AKNA: variants seen among roughly 807,000 people sequenced by gnomAD.
AKNA encodes microtubule organization protein AKNA.
A neutral mutation model predicts 138.8 loss-of-function variants in AKNA; 67 were observed. That is an observed-to-expected ratio of 0.48 (90% confidence interval 0.40 to 0.59). The LOEUF is 0.59. Ranked by LOEUF, AKNA falls within the 20% of genes least tolerant of loss-of-function variation. AKNA has a pLI of 0.00. For missense variants in AKNA, 1,813 were observed against 1,880.4 expected (o/e 0.96, Z 0.66); for synonymous variants, 737 against 754.4 (o/e 0.98, Z 0.38).
intron 12 of AKNA, 48 bp from the exon 13 acceptor site, chr9:114,357,017 C>A: frequency 6.6e-7 from 1 of 1,518,562 alleles, no homozygotes; most frequent in East Asian, 2.6e-5. Context: ...GTCCAAGGCA[C>A]ACTGGGAAGC....
intron 2 of AKNA, 37 bp downstream of exon 2, chr9:114,381,023 C>T: frequency 7.1e-7 from 1 of 1,399,272 alleles, no homozygotes; most frequent in Non-Finnish European, 9.2e-7. Context: ...GTTTTGGGGA[C>T]AGGACACCAC....
intron 4 of AKNA, among the ~76,000 whole-genome samples, chr9:114,373,134 C>T (rs576363194): frequency 3.3e-5 from 5 of 152,354 alleles, no homozygotes; most frequent in Non-Finnish European, 7.3e-5. Context: ...TGCATCTCTG[C>T]ACCTCAGCTC....
In AKNA at chr9:114,359,582, T is replaced by C; in HGVS notation, c.2492+12A>G. ...GAAACAAACATTCTGCAGGAAAGGCTCAGTGACTTACTCCAGGGGAGCCCC... is the reference window on the plus strand; with the variant it reads ...GAAACAAACATTCTGCAGGAAAGGCCCAGTGACTTACTCCAGGGGAGCCCC... On this transcript the variant is annotated intron_variant, in intron 11 of 21. Transcript: ENST00000374088. 7 of 1,610,832 alleles carry C rather than the reference T, an allele frequency of 4.3e-6. No homozygotes were observed. The highest frequency in any genetic ancestry group is 5.9e-6 in the Non-Finnish European group (7 of 1,180,008).
chr9:114,356,734 A>C, intron 13 of AKNA, 129 bp downstream of exon 13: 1 of 786,046 alleles, frequency 1.3e-6, no homozygotes, highest in Non-Finnish European at 2.0e-6. Flanking sequence ...AATCACGGTT[A>C]GGGGATGAAA....
chr9:114,367,752 A>G, intron 5 of AKNA, 55 bp from the exon 6 acceptor site: 1 of 1,500,700 alleles, frequency 6.7e-7, no homozygotes, highest in Non-Finnish European at 8.9e-7. Context: ...CCAGGAGCTG[A>G]AGGACTGAGG....
In AKNA at chr9:114,359,609, T is replaced by C. The variant is rs1302521016; in HGVS notation, c.2477A>G (p.His826Arg). 2.5e-6 allele frequency: 4 copies of C among 1,614,184 alleles called. No individual in the cohort carries two copies. The South Asian group carries it at 3.3e-5, about 13-fold the overall frequency. Residue 826 changes from histidine (H) to arginine (R), a missense_variant, in exon 11 of 22, where the codon CAT becomes CGT. Physicochemically the swap from His to Arg is conservative, Grantham distance 29. Coordinates refer to ENST00000374088, the MANE Select transcript of AKNA (RefSeq NM_001317950.2). ...RQCPVQAEKS[H>R]GAPLEEATEK... ...AGTGACTTACTCCAGGGGAGCCCCATGACTTTTCTCAGCCTGCACCGGGCA... is the reference window on the plus strand; with the variant it reads ...AGTGACTTACTCCAGGGGAGCCCCACGACTTTTCTCAGCCTGCACCGGGCA...
chr9:114,369,798 C>A (rs1296801432), intron 4 of AKNA, among the ~76,000 whole-genome samples: 1 of 152,124 alleles, frequency 6.6e-6, no homozygotes, highest in East Asian at 1.9e-4. Context: ...ACCATCATTA[C>A]CATCACCATC....
At chr9:114,358,420 A>G (rs1831665510) in intron 11 of AKNA, 3 of 492,916 alleles carry the variant, frequency 6.1e-6, no homozygotes, top group Non-Finnish European at 1.1e-5. Context: ...GAAATGTTAA[A>G]GCAGCATTTC....
chr9:114,362,761 A>T (rs997322485), intron 7 of AKNA, among the ~76,000 whole-genome samples: 2 of 152,252 alleles, frequency 1.3e-5, no homozygotes, highest in African/African-American at 4.8e-5. Context: ...CACAACTCAG[A>T]GACTTGGCAC....
At chr9:114,330,614 T>C (rs756439141), downstream of AKNA, 4 of 1,609,038 alleles carry the variant, frequency 2.5e-6, no homozygotes, top group South Asian at 4.4e-5. Context: ...CATCTCAGCT[T>C]CTGGCCAGAA....
At chr9:114,340,157 T>C (rs1298375352) in intron 21 of AKNA, among the ~76,000 whole-genome samples, 2 of 152,162 alleles carry the variant, frequency 1.3e-5, no homozygotes, top group Admixed American at 6.5e-5. Flanking sequence ...GGTCCCCGAA[T>C]AGAGGACCAG....
chr9:114,331,829 A>T, downstream of AKNA: 1 of 1,613,564 alleles, frequency 6.2e-7, no homozygotes, highest in Non-Finnish European at 8.5e-7. Context: ...CCTGCAGCTG[A>T]CAAGCCAGAG....
intron 4 of AKNA, among the ~76,000 whole-genome samples, chr9:114,373,404 C>T (rs1312789138): frequency 6.6e-6 from 1 of 152,102 alleles, no homozygotes; most frequent in African/African-American, 2.4e-5. Flanking sequence ...AAGGTGTGAT[C>T]CAGGAAGATT....
At chr9:114,385,276 C>T (rs1425043802) in intron 1 of AKNA, among the ~76,000 whole-genome samples, 2 of 152,174 alleles carry the variant, frequency 1.3e-5, no homozygotes, top group Admixed American at 6.5e-5. Context: ...ATCCTCTAAG[C>T]GTGCAGTTTC....
chr9:114,340,811 C>T (rs918740774), intron 21 of AKNA, among the ~76,000 whole-genome samples: 1 of 152,098 alleles, frequency 6.6e-6, no homozygotes, highest in Non-Finnish European at 1.5e-5. Flanking sequence ...ACAATATTCC[C>T]GACCAGGACT....
intron 2 of AKNA, among the ~76,000 whole-genome samples, chr9:114,378,720 C>A (rs950982450): frequency 3.3e-5 from 5 of 152,218 alleles, no homozygotes; most frequent in Non-Finnish European, 5.9e-5. Context: ...TTCCTCCCAA[C>A]ATCCATCCAT....
chr9:114,346,142 A>C, intron 17 of AKNA, 133 bp from the exon 18 acceptor site: 1 of 895,550 alleles, frequency 1.1e-6, no homozygotes, highest in South Asian at 1.7e-5. Flanking sequence ...CCTTAGGAGT[A>C]ACAGCTGGCA....
chr9:114,398,427 C>T (rs1344101819), upstream of AKNA: 1 of 152,272 alleles, frequency 6.6e-6, no homozygotes, highest in South Asian at 2.1e-4. The surrounding 1 kb of genome is among the most constrained non-coding windows in gnomAD (Gnocchi z 4.2). Flanking sequence ...GCGAGCCCCT[C>T]CCCGAGTCTC....
Position 114,377,461 on chromosome 9 carries a change from G to C in AKNA, c.346C>G (p.Arg116Gly). ...EPLAWLPQQGRQLDMTEEEPD... is the reference protein window; with the variant it reads ...EPLAWLPQQGGQLDMTEEEPD... ...TCCTCTTCAGTCATGTCCAGCTGAC[G>C]GCCCTGCTGGGGGAGCCAGGCAAGA... Residue 116 changes from arginine to glycine, a missense_variant, in exon 3 of 22, where the codon CGT becomes GGT. Physicochemically the swap from Arg to Gly is moderately radical, Grantham distance 125. Transcript: ENST00000374088. 1 of 1,613,352 alleles carries C rather than the reference G, an allele frequency of 6.2e-7. No individual in the cohort carries two copies. The highest frequency in any genetic ancestry group is 8.5e-7 in the Non-Finnish European group (1 of 1,179,874).
Sources: allele counts gnomAD v4.1 joint callset (sites outside exome capture counted in the v4.1 genomes callset), GRCh38; gene constraint gnomAD v4.1.1; non-coding constraint Gnocchi (gnomAD v3.1); transcripts MANE v1.5; gene names NCBI Gene and HGNC (gene_info 2026-07-23, HGNC 2026-07-21).